Variants in WSCD1 observed in about 807,000 individuals in gnomAD.
The protein encoded by WSCD1 is sialate:O-sulfotransferase 1.
A neutral mutation model predicts 60.4 loss-of-function variants in WSCD1; 41 were observed. That is an observed-to-expected ratio of 0.68 (90% CI 0.53 to 0.88). The LOEUF is 0.88. WSCD1 is among the 40% of genes least tolerant of loss of function. WSCD1 has a pLI of 0.00. For missense variants in WSCD1, 784 were observed against 796.2 expected (o/e 0.98, Z 0.18); for synonymous variants, 361 against 332.5 (o/e 1.09, Z -0.93).
intron 5 of WSCD1, among the ~76,000 whole-genome samples, chr17:6,102,352 C>G (rs1910857621): frequency 6.6e-6 from 1 of 151,950 alleles, no homozygotes. Flanking sequence ...ATGTCTTTGC[C>G]AATGGTTGGG....
chr17:6,073,013 G>A (rs562620184), intron 1 of WSCD1, among the ~76,000 whole-genome samples: 34 of 152,256 alleles, frequency 2.2e-4, no homozygotes, highest in African/African-American at 6.7e-4. Context: ...CTTTGCTGCC[G>A]GAAGCCCCTG....
intron 5 of WSCD1, among the ~76,000 whole-genome samples, chr17:6,108,549 C>A (rs1318529387): frequency 6.6e-6 from 1 of 152,124 alleles, no homozygotes; most frequent in African/African-American, 2.4e-5. Context: ...CAGCTGATGC[C>A]CAGAGAGTTA....
intron 3 of WSCD1, 38 bp from the exon 4 acceptor site, chr17:6,090,283 G>A: frequency 6.6e-7 from 1 of 1,519,460 alleles, no homozygotes; most frequent in Non-Finnish European, 8.8e-7. Flanking sequence ...CCTAGCTCTG[G>A]GCCAAGGTCC....
At chr17:6,071,894 A>G (rs924660138) in intron 1 of WSCD1, among the ~76,000 whole-genome samples, 1 of 152,198 alleles carries the variant, frequency 6.6e-6, no homozygotes, top group Admixed American at 6.5e-5. Flanking sequence ...TCCTCCGGGA[A>G]GGGGCCTCAA....
chr17:6,109,537 T>C, intron 5 of WSCD1, 70 bp from the exon 6 acceptor site: 1 of 1,567,174 alleles, frequency 6.4e-7, no homozygotes. Context: ...GTTCATCCCA[T>C]TCCTGAGCCC....
intron 5 of WSCD1, among the ~76,000 whole-genome samples, chr17:6,095,479 C>T (rs927589003): frequency 2.6e-5 from 4 of 152,240 alleles, no homozygotes; most frequent in Admixed American, 2.0e-4. Flanking sequence ...GAGTGCCTTT[C>T]TGGATGCGAA....
intron 7 of WSCD1, among the ~76,000 whole-genome samples, chr17:6,117,057 G>A (rs947008317): frequency 1.3e-5 from 2 of 152,186 alleles, no homozygotes; most frequent in African/African-American, 4.8e-5. Flanking sequence ...TAAGCTTAAA[G>A]ACAAGGTCTG....
intron 3 of WSCD1, among the ~76,000 whole-genome samples, chr17:6,089,473 G>A (rs985405834): frequency 2.0e-5 from 3 of 152,156 alleles, no homozygotes; most frequent in Admixed American, 1.3e-4. Context: ...CTTTACCTAC[G>A]GTATTACTAG....
At chr17:6,078,894 A>G (rs889020956) in intron 1 of WSCD1, among the ~76,000 whole-genome samples, 10 of 152,120 alleles carry the variant, frequency 6.6e-5, no homozygotes, top group African/African-American at 2.2e-4. Context: ...TACAAATCTG[A>G]TGAGGTTGTC....
intron 4 of WSCD1, among the ~76,000 whole-genome samples, chr17:6,092,501 G>C (rs1910124510): frequency 6.6e-6 from 1 of 152,166 alleles, no homozygotes; most frequent in Admixed American, 6.5e-5. Context: ...GAACTTGGCA[G>C]TGTCTCACCG....
rs138877695 is a variant in WSCD1, at chr17:6,095,191, G to A, written c.817G>A (p.Val273Met). The change falls in exon 5 of 9, where the codon GTG becomes ATG. Residue 273 changes from valine to methionine, a missense_variant. Val to Met is a conservative substitution (Grantham distance 21). Coordinates refer to ENST00000317744, the MANE Select transcript of WSCD1 (RefSeq NM_015253.2). ...CTCCCTGATACAGGCCAATGTGACC[G>A]TGGGGACTTGCTCGGGCTTTTGTTC... ...PSSLIQANVT[V>M]GTCSGFCSQK... The A allele has an allele frequency of 1.5e-4, 243 of 1,613,618 alleles. 1 individual carries two copies. The highest frequency in any genetic ancestry group is 8.3e-4 in the Middle Eastern group (5 of 6,060).
At chr17:6,082,239 C>T (rs1285378096) in intron 2 of WSCD1, among the ~76,000 whole-genome samples, 1 of 152,166 alleles carries the variant, frequency 6.6e-6, no homozygotes, top group African/African-American at 2.4e-5. Flanking sequence ...AACCAGGATT[C>T]ACGTGCATCC....
In WSCD1 at chr17:6,077,382, C is replaced by T. The variant is rs1479859147; in HGVS notation, c.-288-2989C>T. On this transcript the variant is annotated intron_variant, in intron 1 of 8. Coordinates refer to ENST00000317744, the MANE Select transcript of WSCD1 (RefSeq NM_015253.2). Reference sequence around the variant, plus strand: ...GATTACAGGCATGAGCCACTATGCCCAGTCTTTTGTTTCTCCCTACCAGTC... The same window carrying T: ...GATTACAGGCATGAGCCACTATGCCTAGTCTTTTGTTTCTCCCTACCAGTC... Among the ~76,000 whole-genome samples, 3 of 152,146 alleles carry T rather than the reference C, an allele frequency of 2.0e-5. No individual in the cohort carries two copies. The East Asian group carries it at 5.8e-4, about 29-fold the overall frequency.
chr17:6,078,775 G>A (rs1909033580), intron 1 of WSCD1, among the ~76,000 whole-genome samples: 1 of 152,148 alleles, frequency 6.6e-6, no homozygotes, highest in African/African-American at 2.4e-5. Flanking sequence ...ATGATCAGAT[G>A]TGCATGTTAG....
chr17:6,113,377 A>G (rs1325170754), intron 7 of WSCD1, among the ~76,000 whole-genome samples: 2 of 152,292 alleles, frequency 1.3e-5, no homozygotes, highest in East Asian at 3.9e-4. Flanking sequence ...TAAGACCCAA[A>G]TCTATTAAAC....
At chr17:6,120,158 A>G in intron 8 of WSCD1, 151 bp from the exon 9 acceptor site, 2 of 848,508 alleles carry the variant, frequency 2.4e-6, no homozygotes, top group Non-Finnish European at 3.7e-6. Flanking sequence ...CAGCCACCAA[A>G]GGGTCCTCCT....
rs189077124 is a variant in WSCD1 at position 6,115,976 on chromosome 17, C to T, written c.1175-2012C>T. Among the ~76,000 whole-genome samples, 34 of 152,252 alleles carry T rather than the reference C, an allele frequency of 2.2e-4. No individual in the cohort carries two copies. In the East Asian group the frequency reaches 3.7e-3, roughly 16 times the overall value. On this transcript the variant is annotated intron_variant, in intron 7 of 8. Transcript: ENST00000317744. ...TAACATCCTAGAGAAGCAGAAACTT[C>T]CCAAGCTTGGGATTGGGCTCTGGAA... is the stretch of plus-strand genomic sequence containing the variant.
chr17:6,116,418 A>G (rs1350901033), intron 7 of WSCD1, among the ~76,000 whole-genome samples: 1 of 152,140 alleles, frequency 6.6e-6, no homozygotes, highest in East Asian at 1.9e-4. Flanking sequence ...ACACACACAC[A>G]CACGCACAAT....
intron 4 of WSCD1, among the ~76,000 whole-genome samples, chr17:6,093,665 A>C (rs1470479222): frequency 1.3e-5 from 2 of 152,188 alleles, no homozygotes; most frequent in African/African-American, 4.8e-5. Flanking sequence ...CGACCTTGAC[A>C]CCAAAAGCCA....
Sources: gnomAD v4.1 joint callset for allele counts (sites outside exome capture counted in the v4.1 genomes callset) on GRCh38, gnomAD v4.1.1 for gene constraint, MANE v1.5 for transcripts, NCBI Gene and HGNC (gene_info 2026-07-23, HGNC 2026-07-21) for gene names.